Variants in ZNF253 observed in about 807,000 individuals in gnomAD.
ZNF253 encodes DNA-binding protein.
Under a neutral mutation model 11.9 loss-of-function variants are expected in ZNF253, and 8 were observed. The observed-to-expected ratio is 0.67, with a 90% confidence interval of 0.40 to 1.22. The LOEUF is 1.22. ZNF253 is among the 50% of genes most tolerant of loss of function. ZNF253 has a pLI of 0.01. For synonymous variants in ZNF253, 194 were observed against 194.9 expected, an observed-to-expected ratio of 1.00 and a Z score of 0.04; for missense variants, 485 against 586.9, an observed-to-expected ratio of 0.83 and a Z score of 1.79.
chr19:19,873,260 G>T (rs528689024), intron 1 of ZNF253, among the ~76,000 whole-genome samples: 13 of 152,252 alleles, frequency 8.5e-5, no homozygotes, highest in East Asian at 3.9e-4. Flanking sequence ...CTGTAAAATG[G>T]GATACTGGAG....
Position 19,865,980 on chromosome 19 carries a change from C to A in ZNF253, c.-17C>A, listed in dbSNP as rs779652674. ...GGAGAGCCACAGCTAAACCCCGGGACCCCTGGAAGCCTAGAAATGGTGAGT... is the reference window on the plus strand; with the variant it reads ...GGAGAGCCACAGCTAAACCCCGGGAACCCTGGAAGCCTAGAAATGGTGAGT... On this transcript the variant is annotated 5_prime_UTR_variant, in exon 1 of 4. Coordinates refer to ENST00000589717, the MANE Select transcript of ZNF253 (RefSeq NM_021047.3). 6.2e-7 allele frequency: 1 copy of A among 1,614,162 alleles called. No homozygotes were observed. Among genetic ancestry groups the A allele is most frequent in the South Asian group, 1.1e-5 (1 of 91,068 alleles).
intron 1 of ZNF253, among the ~76,000 whole-genome samples, chr19:19,867,364 A>C (rs2063116165): frequency 6.6e-6 from 1 of 151,990 alleles, no homozygotes; most frequent in Non-Finnish European, 1.5e-5. Context: ...TAAATCTTTT[A>C]TTTTATTTTA....
intron 1 of ZNF253, among the ~76,000 whole-genome samples, chr19:19,872,478 A>G (rs1021898056): frequency 7.4e-5 from 11 of 148,276 alleles, no homozygotes; most frequent in Non-Finnish European, 1.0e-4. Context: ...CATCTCTTGA[A>G]ACTGTTCACT....
chr19:19,868,960 C>T (rs1599548517), intron 1 of ZNF253, among the ~76,000 whole-genome samples: 2 of 151,750 alleles, frequency 1.3e-5, no homozygotes, highest in South Asian at 4.2e-4. Flanking sequence ...CTAAATAAAC[C>T]CTTTGTCATT....
At position 19,891,738 on chromosome 19, in the gene ZNF253, C is replaced by T. The variant is rs371659973; in HGVS notation, c.491C>T (p.Thr164Ile). 2.8e-4 allele frequency: 451 copies of T among 1,613,910 alleles called. No homozygotes were observed. The highest frequency in any genetic ancestry group is 3.7e-4 in the Non-Finnish European group (442 of 1,179,978). Reference protein sequence around the residue: ...HKFSNSNTYKTRHTGINLFKC... With the variant: ...HKFSNSNTYKIRHTGINLFKC... Reference sequence around the variant, plus strand: ...TTTTCAAATTCAAACACATATAAGACAAGACATACTGGAATAAATCTTTTC... The same window carrying T: ...TTTTCAAATTCAAACACATATAAGATAAGACATACTGGAATAAATCTTTTC... Residue 164 changes from threonine to isoleucine, a missense_variant, in exon 4 of 4, where the codon ACA (threonine) becomes ATA (isoleucine). This residue lies in a region of ZNF253 where 218 missense variants were observed against 213.1 expected (regional missense o/e 1.02). Coordinates refer to ENST00000589717, the MANE Select transcript of ZNF253 (RefSeq NM_021047.3).
chr19:19,873,984 CTG>C (rs1215189719), intron 1 of ZNF253, among the ~76,000 whole-genome samples: 1 of 152,290 alleles, frequency 6.6e-6, no homozygotes, highest in East Asian at 1.9e-4. Flanking sequence ...TCTCAGCTAA[CTG>C]AAACCTCGGC....
chr19:19,872,585 AT>A (rs2063139119), intron 1 of ZNF253, among the ~76,000 whole-genome samples: 1 of 90,478 alleles, frequency 1.1e-5, no homozygotes, highest in African/African-American at 6.1e-5. Context: ...ATATATTATT[AT>A]ATATATATAT....
intron 1 of ZNF253, among the ~76,000 whole-genome samples, chr19:19,872,946 T>C (rs2063140860): frequency 6.6e-6 from 1 of 152,122 alleles, no homozygotes; most frequent in Non-Finnish European, 1.5e-5. Flanking sequence ...AATCTGCAGA[T>C]AAGTTCTGGC....
chr19:19,877,602 C>T (rs1035127684), intron 1 of ZNF253, among the ~76,000 whole-genome samples: 1 of 151,986 alleles, frequency 6.6e-6, no homozygotes, highest in Non-Finnish European at 1.5e-5. Flanking sequence ...CTCGAACTCC[C>T]GACCTCAGGT....
At chr19:19,887,903 A>C (rs932932294) in intron 3 of ZNF253, among the ~76,000 whole-genome samples, 1 of 145,946 alleles carries the variant, frequency 6.9e-6, no homozygotes, top group Non-Finnish European at 1.5e-5. Context: ...CGCCTGGCTA[A>C]TTTTTGTATT....
rs373652370 is a variant in ZNF253 at position 19,893,983 on chromosome 19, A to G, written c.*1236A>G. On this transcript the variant is annotated 3_prime_UTR_variant, in exon 4 of 4. Transcript: ENST00000589717. The stretch of plus-strand genomic sequence containing the variant: ...CAAAAATGACAGCTTAGAAAACACC[A>G]GAGGGTTTATACCAAAATATATTTT... The G allele has an allele frequency of 1.2e-4, 19 of 152,372 alleles. No individual in the cohort carries two copies. In the East Asian group the frequency reaches 1.3e-3, roughly 11 times the overall value. 9.4% of individuals were successfully genotyped at this position (152,372 alleles called of 1,614,324 possible). A position where few individuals can be genotyped will look rare whatever the true frequency, so the allele number is the denominator to read the frequency against.
chr19:19,871,274 G>GATGTGA (rs1175326172), intron 1 of ZNF253: 1 of 152,648 alleles, frequency 6.6e-6, no homozygotes, highest in African/African-American at 2.4e-5. Context: ...CTCTCCTCCT[G>GATGTGA]CAGCTCAGGC....
chr19:19,877,130 G>A (rs2063159098), intron 1 of ZNF253, among the ~76,000 whole-genome samples: 1 of 152,146 alleles, frequency 6.6e-6, no homozygotes, highest in Non-Finnish European at 1.5e-5. Flanking sequence ...TGCAGAATAG[G>A]ATTAGGGAAA....
At chr19:19,880,737 G>GCA (rs908403811) in intron 3 of ZNF253, among the ~76,000 whole-genome samples, 1 of 149,910 alleles carries the variant, frequency 6.7e-6, no homozygotes, top group African/African-American at 2.5e-5. Flanking sequence ...ATGAGAGGCT[G>GCA]CACAGTCTGG....
chr19:19,878,331 T>C (rs915004483), intron 1 of ZNF253, 150 bp from the exon 2 acceptor site: 1 of 1,341,452 alleles, frequency 7.5e-7, no homozygotes, highest in African/African-American at 1.5e-5. Flanking sequence ...CATTAGAGAA[T>C]ATTTTTGGGT....
chr19:19,885,303 TTTCTTTC>T (rs1370007166), intron 3 of ZNF253, among the ~76,000 whole-genome samples: 1 of 31,308 alleles, frequency 3.2e-5, no homozygotes, highest in Admixed American at 3.3e-4. Flanking sequence ...CTTTCTTTTC[TTTCTTTC>T]TTTCTTTCTT....
chr19:19,876,997 TC>T (rs1237142631), intron 1 of ZNF253, among the ~76,000 whole-genome samples: 1 of 152,182 alleles, frequency 6.6e-6, no homozygotes, highest in Non-Finnish European at 1.5e-5. Flanking sequence ...AATGTTCCCT[TC>T]GTGGCTGTTG....
intron 3 of ZNF253, among the ~76,000 whole-genome samples, chr19:19,881,209 G>GT (rs1431183378): frequency 4.6e-5 from 7 of 151,298 alleles, no homozygotes; most frequent in Admixed American, 4.0e-4. Context: ...TATTGTAAAG[G>GT]TTTTTTACAT....
intron 1 of ZNF253, among the ~76,000 whole-genome samples, chr19:19,870,087 T>C (rs976876596): frequency 6.6e-6 from 1 of 152,042 alleles, no homozygotes; most frequent in Non-Finnish European, 1.5e-5. Flanking sequence ...TGAAGTATAG[T>C]TGCAGTTTTT....
Sources: gnomAD v4.1 joint callset for allele counts (sites outside exome capture counted in the v4.1 genomes callset) on GRCh38, gnomAD v4.1.1 for gene constraint, gnomAD v4.1.1 regional missense constraint, MANE v1.5 for transcripts, NCBI Gene and HGNC (gene_info 2026-07-23, HGNC 2026-07-21) for gene names.